Variants in TNPO3 observed in about 807,000 individuals in gnomAD.
The protein encoded by TNPO3 is transportin 3, also known as transportin-3.
In TNPO3, 65 loss-of-function variants were observed where a neutral mutation model predicts 122.8. The observed-to-expected ratio is 0.53, with a 90% CI of 0.43 to 0.65. TNPO3 has a LOEUF of 0.65. Among genes scored for constraint, TNPO3 ranks in the 30% least tolerant of loss-of-function variants. TNPO3 has a pLI of 0.00. For synonymous variants in TNPO3, 372 were observed against 411.2 expected, an observed-to-expected ratio of 0.90 and a Z score of 1.15; for missense variants, 850 against 1,136.7, an observed-to-expected ratio of 0.75 and a Z score of 3.63.
intron 21 of TNPO3, among the ~76,000 whole-genome samples, chr7:128,963,397 G>C (rs377267949): frequency 6.6e-6 from 1 of 152,318 alleles, no homozygotes; most frequent in Admixed American, 6.5e-5. Context: ...CAGAAGCAGA[G>C]AGAAGCAACT....
At chr7:129,039,728 C>T (rs1026664411) in intron 1 of TNPO3, among the ~76,000 whole-genome samples, 6 of 152,150 alleles carry the variant, frequency 3.9e-5, no homozygotes, top group African/African-American at 1.2e-4. Context: ...GAATGGAATA[C>T]TGCTCAGCCA....
intron 21 of TNPO3, among the ~76,000 whole-genome samples, chr7:128,964,868 CT>C (rs1797792187): frequency 6.6e-6 from 1 of 152,096 alleles, no homozygotes; most frequent in Non-Finnish European, 1.5e-5. Context: ...ACAAATGGTG[CT>C]GGGAAAACTG....
intron 1 of TNPO3, among the ~76,000 whole-genome samples, chr7:129,044,437 T>C (rs751524675): frequency 1.2e-4 from 19 of 152,210 alleles, no homozygotes; most frequent in Admixed American, 4.6e-4. Context: ...AAAACCATTA[T>C]GCAAACTCTG....
At position 129,017,829 on chromosome 7, in the gene TNPO3, CA is replaced by C. The variant is rs1381858458; in HGVS notation, c.321+127del. On this transcript the variant is annotated intron_variant, in intron 2 of 22. Coordinates refer to ENST00000265388, the MANE Select transcript of TNPO3 (RefSeq NM_012470.4). ...AACAATTTCGTTTTCTATCCACTTA[CA>C]AGAACATAGCAGTACATCTGTAATG... is the stretch of plus-strand genomic sequence containing the variant. The C allele has an allele frequency of 4.3e-6, 4 of 934,532 alleles. No homozygotes were observed. In the Admixed American group the frequency reaches 1.1e-4, roughly 25 times the overall value. The allele number at this position is 934,532 out of a possible 1,614,324, so 57.9% of individuals were successfully genotyped here.
At chr7:128,970,011 C>A in intron 20 of TNPO3, 137 bp downstream of exon 20, 1 of 879,494 alleles carries the variant, frequency 1.1e-6, no homozygotes, top group South Asian at 1.6e-5. Flanking sequence ...ATCTACCAAT[C>A]TAATTTGGCA....
At chr7:128,975,792 C>T (rs751669691) in intron 17 of TNPO3, 27 bp downstream of exon 17, 21 of 1,439,634 alleles carry the variant, frequency 1.5e-5, no homozygotes, top group East Asian at 2.3e-5. Flanking sequence ...AGGCCTGATG[C>T]GTCTACACTC....
At chr7:128,976,104 A>G (rs1348214808) in intron 16 of TNPO3, among the ~76,000 whole-genome samples, 169 bp from the exon 17 acceptor site, 8 of 152,220 alleles carry the variant, frequency 5.3e-5, no homozygotes, top group Non-Finnish European at 1.0e-4. Context: ...CAATATCTCA[A>G]TGATTTTCAG....
At chr7:129,051,924 G>A (rs1421309028) in intron 1 of TNPO3, among the ~76,000 whole-genome samples, 2 of 152,218 alleles carry the variant, frequency 1.3e-5, no homozygotes, top group African/African-American at 4.8e-5. Flanking sequence ...GATTACAGGC[G>A]TGAGCCACTG....
rs540931978 is a variant in TNPO3, at chr7:129,051,973, G to A, written c.120+2678C>T. On this transcript the variant is annotated intron_variant, in intron 1 of 22. Coordinates refer to ENST00000265388, the MANE Select transcript of TNPO3 (RefSeq NM_012470.4). ...GGTGGTGGCTTTTTAGTAAAGACAA[G>A]ATCCAGGGTGTGATTGTGTGACCAG... 2.8e-3 allele frequency among the ~76,000 whole-genome samples: 432 copies of A among 152,312 alleles called. 1 individual carries two copies. The highest frequency in any genetic ancestry group is 4.7e-3 in the Non-Finnish European group (320 of 68,024).
chr7:128,963,753 A>G (rs1797680327), intron 21 of TNPO3, among the ~76,000 whole-genome samples: 2 of 152,232 alleles, frequency 1.3e-5, no homozygotes, highest in South Asian at 4.1e-4. Flanking sequence ...AAAGTAAACT[A>G]TTTTGGAAAG....
chr7:128,999,092 C>CT (rs1263354110), intron 7 of TNPO3, among the ~76,000 whole-genome samples: 1 of 152,164 alleles, frequency 6.6e-6, no homozygotes, highest in Non-Finnish European at 1.5e-5. Flanking sequence ...ACCTTATGAT[C>CT]TGCCCACCTC....
At chr7:129,049,568 G>C (rs1808459577) in intron 1 of TNPO3, among the ~76,000 whole-genome samples, 1 of 152,200 alleles carries the variant, frequency 6.6e-6, no homozygotes, top group South Asian at 2.1e-4. Context: ...CTAATGCAGG[G>C]ACTTCTGTTT....
chr7:129,000,294 C>A, intron 7 of TNPO3, 135 bp downstream of exon 7: 2 of 1,034,232 alleles, frequency 1.9e-6, no homozygotes, highest in Non-Finnish European at 2.7e-6. Context: ...AATTCCAAAA[C>A]AGATGAAATC....
chr7:129,041,850 G>T, intron 1 of TNPO3: 1 of 561,242 alleles, frequency 1.8e-6, no homozygotes, highest in Non-Finnish European at 2.3e-6. Flanking sequence ...TATGAGGCAG[G>T]CTATGGCCCA....
chr7:129,033,906 CAAAAAAAAAAA>C (rs776103730), intron 1 of TNPO3, among the ~76,000 whole-genome samples: 3 of 72,476 alleles, frequency 4.1e-5, no homozygotes, highest in African/African-American at 1.6e-4. Flanking sequence ...GAGCTAAACT[CAAAAAAAAAAA>C]AAAAAAAAGA....
At chr7:128,988,020 C>T (rs1158296301) in intron 11 of TNPO3, among the ~76,000 whole-genome samples, 7 of 152,026 alleles carry the variant, frequency 4.6e-5, no homozygotes, top group Non-Finnish European at 1.5e-5. Context: ...GTCACCCAGG[C>T]TGGAGTGTAG....
In TNPO3 at chr7:129,054,638, C is replaced by A. The variant is rs780498882; in HGVS notation, c.120+13G>T. On this transcript the variant is annotated intron_variant, in intron 1 of 22. Coordinates refer to ENST00000265388, the MANE Select transcript of TNPO3 (RefSeq NM_012470.4). ...GGCCGTGCGGCACAGAACTGCCTCT[C>A]TGGGCCCCTCACCGAACGCTGCAGC... The A allele has an allele frequency of 1.9e-6, 3 of 1,613,320 alleles. No individual in the cohort carries two copies. Among genetic ancestry groups the A allele is most frequent in the Non-Finnish European group, 8.5e-7 (1 of 1,179,990 alleles).
At chr7:129,040,576 C>T (rs575401694) in intron 1 of TNPO3, among the ~76,000 whole-genome samples, 2 of 152,064 alleles carry the variant, frequency 1.3e-5, no homozygotes, top group East Asian at 3.9e-4. Flanking sequence ...AGATGGTGCA[C>T]TTTATGTAAG....
intron 5 of TNPO3, among the ~76,000 whole-genome samples, chr7:129,003,511 T>G (rs577791463): frequency 3.3e-5 from 5 of 149,692 alleles, no homozygotes; most frequent in Non-Finnish European, 5.9e-5. Context: ...TAGAAAAAAT[T>G]AAAAATTAGC....
Sources: allele counts gnomAD v4.1 joint callset (sites outside exome capture counted in the v4.1 genomes callset), GRCh38; gene constraint gnomAD v4.1.1; transcripts MANE v1.5; gene names NCBI Gene and HGNC (gene_info 2026-07-23, HGNC 2026-07-21).